Variants in RIN3 observed in about 807,000 individuals in gnomAD.
RIN3 encodes Ras and Rab interactor 3, also known as RAB5 interacting protein 3.
RIN3 carries 54 observed loss-of-function variants against 76.3 expected under a neutral mutation model. The observed-to-expected ratio is 0.71, with a 90% CI of 0.57 to 0.89. The LOEUF (loss-of-function observed/expected upper bound fraction) is 0.89. Ranked by LOEUF, RIN3 falls within the 40% of genes least tolerant of loss-of-function variation. The pLI is 0.00. For missense variants in RIN3, 1,256 were observed against 1,322.1 expected, an observed-to-expected ratio of 0.95 and a Z score of 0.78; for synonymous variants, 576 against 564.0, an observed-to-expected ratio of 1.02 and a Z score of -0.30.
chr14:92,586,601 T>A (rs1884784996), intron 3 of RIN3: 1 of 150,872 alleles, frequency 6.6e-6, no homozygotes, highest in Admixed American at 6.6e-5. Flanking sequence ...CTTAGCCTCC[T>A]TTTTTTTTCA....
At chr14:92,617,300 CA>C (rs953067188) in intron 4 of RIN3, among the ~76,000 whole-genome samples, 7 of 149,976 alleles carry the variant, frequency 4.7e-5, no homozygotes, top group African/African-American at 9.9e-5. Context: ...AACTCCATCT[CA>C]AAAAAAAAAC....
intron 4 of RIN3, among the ~76,000 whole-genome samples, chr14:92,621,310 T>C (rs1249418380): frequency 6.6e-6 from 1 of 151,478 alleles, no homozygotes; most frequent in Non-Finnish European, 1.5e-5. Context: ...TTACTGTCGA[T>C]GAAGAGTCAA....
Position 92,654,120 on chromosome 14 carries a change from C to T in RIN3, c.2026+1045C>T, listed in dbSNP as rs543618170. Among the ~76,000 whole-genome samples the T allele has an allele frequency of 3.7e-4, 57 of 152,136 alleles. No homozygotes were observed. In the South Asian group the frequency reaches 0.011, roughly 30 times the overall value. Reference sequence around the variant, plus strand: ...CTTGAGGTCAAGAGTTCGAGACCAGCCTGGCCAACATGGTGAAACCCCATC... The same window carrying T: ...CTTGAGGTCAAGAGTTCGAGACCAGTCTGGCCAACATGGTGAAACCCCATC... On this transcript the variant is annotated intron_variant, in intron 6 of 9. Transcript: ENST00000216487.
chr14:92,688,546 G>A lies in RIN3; in HGVS notation c.*294G>A, dbSNP rs917747466. The A allele has an allele frequency of 2.1e-6, 1 of 468,762 alleles. No individual in the cohort carries two copies. The highest frequency in any genetic ancestry group is 2.9e-5 in the South Asian group (1 of 34,108). 29.0% of individuals were successfully genotyped at this position (468,762 alleles called of 1,614,324 possible). A position where few individuals can be genotyped will look rare whatever the true frequency, so the allele number is the denominator to read the frequency against. ...AGGCCGCTGCAGCCAACAAACCGGC[G>A]CCCTCTTCACACGTAGCTCCTCAGG... On this transcript the variant is annotated 3_prime_UTR_variant, in exon 10 of 10. Coordinates refer to ENST00000216487, the MANE Select transcript of RIN3 (RefSeq NM_024832.5).
At chr14:92,683,364 C>G (rs1888735857) in intron 8 of RIN3, among the ~76,000 whole-genome samples, 1 of 152,286 alleles carries the variant, frequency 6.6e-6, no homozygotes, top group African/African-American at 2.4e-5. Context: ...GCCACCTTCC[C>G]TCTCTGGGAC....
At chr14:92,520,563 TCAGG>T (rs1896570375) in intron 1 of RIN3, among the ~76,000 whole-genome samples, 2 of 152,178 alleles carry the variant, frequency 1.3e-5, no homozygotes, top group Admixed American at 1.3e-4. Context: ...ACACGGGGTG[TCAGG>T]CACTGATGCG....
chr14:92,607,153 T>A (rs1297221056), intron 3 of RIN3, among the ~76,000 whole-genome samples: 1 of 152,218 alleles, frequency 6.6e-6, no homozygotes, highest in East Asian at 1.9e-4. Context: ...CATGAAAGGA[T>A]GTTCAACATC....
Position 92,659,542 on chromosome 14 carries a change from G to A in RIN3, c.2335+73G>A, listed in dbSNP as rs565616661. On this transcript the variant is annotated intron_variant, in intron 7 of 9. Transcript: ENST00000216487. ...GGGTCCATGACCCCACCCTGACCAGGACTCCAGAGCCCTTGGAAGGCCCCA... is the reference window on the plus strand; with the variant it reads ...GGGTCCATGACCCCACCCTGACCAGAACTCCAGAGCCCTTGGAAGGCCCCA... The A allele has an allele frequency of 6.4e-6, 9 of 1,399,560 alleles. No homozygotes were observed. In the African/African-American group the frequency reaches 1.0e-4, roughly 16 times the overall value. 86.7% of individuals were successfully genotyped at this position (1,399,560 alleles called of 1,614,324 possible). A position where few individuals can be genotyped will look rare whatever the true frequency, so the allele number is the denominator to read the frequency against.
At chr14:92,520,209 G>A (rs536332366) in intron 1 of RIN3, among the ~76,000 whole-genome samples, 1 of 152,368 alleles carries the variant, frequency 6.6e-6, no homozygotes, top group African/African-American at 2.4e-5. Context: ...CCGTGGTTGT[G>A]GTCAAGGCCT....
At chr14:92,658,707 T>C (rs1442897571) in intron 6 of RIN3, among the ~76,000 whole-genome samples, 1 of 152,134 alleles carries the variant, frequency 6.6e-6, no homozygotes, top group Non-Finnish European at 1.5e-5. Flanking sequence ...ATGTACTGTA[T>C]TTTTGAGACT....
rs1048618030 is a variant in RIN3, at chr14:92,586,271, T to C, written c.367+8794T>C. On this transcript the variant is annotated intron_variant, in intron 3 of 9. Coordinates refer to ENST00000216487, the MANE Select transcript of RIN3 (RefSeq NM_024832.5). ...ACACCATAAATACTAGCAGCTATAA[T>C]TAGCTATGGAGTTTGAGCAGCATGC... Among the ~76,000 whole-genome samples, 3 of 152,338 alleles carry C rather than the reference T, an allele frequency of 2.0e-5. No individual in the cohort carries two copies. In the East Asian group the frequency reaches 5.8e-4, roughly 29 times the overall value.
At position 92,543,326 on chromosome 14, in the gene RIN3, G is replaced by A. The variant is rs78859422; in HGVS notation, c.45-12425G>A. ...AAAGCAACAAGAGGAAACACTTCAG[G>A]GGAACGGATTTCATCTCAATAGAAA... On this transcript the variant is annotated intron_variant, in intron 1 of 9. Transcript: ENST00000216487. Among the ~76,000 whole-genome samples the A allele has an allele frequency of 4.2e-3, 644 of 152,200 alleles. 4 individuals carry two copies. Among genetic ancestry groups the A allele is most frequent in the African/African-American group, 0.015 (616 of 41,516 alleles).
intron 5 of RIN3, among the ~76,000 whole-genome samples, chr14:92,641,533 C>G (rs768425106): frequency 6.6e-6 from 1 of 152,196 alleles, no homozygotes; most frequent in Non-Finnish European, 1.5e-5. Context: ...CTGCCCAGGA[C>G]GCCCTGAGGC....
At chr14:92,657,185 C>G (rs968224022) in intron 6 of RIN3, among the ~76,000 whole-genome samples, 7 of 152,042 alleles carry the variant, frequency 4.6e-5, no homozygotes, top group African/African-American at 1.4e-4. Flanking sequence ...ATGGTGAAAC[C>G]CCCCTCTCTA....
rs1888507264 is a variant in RIN3, at chr14:92,677,442, G to A, written c.2467+836G>A. On this transcript the variant is annotated intron_variant, in intron 8 of 9. Transcript: ENST00000216487. ...CCTTGGGCTTTGTGGTTCTTGAGATGAGCAGACCCTCTTTGTATCTGTTCG... is the reference window on the plus strand; with the variant it reads ...CCTTGGGCTTTGTGGTTCTTGAGATAAGCAGACCCTCTTTGTATCTGTTCG... 2.0e-5 allele frequency among the ~76,000 whole-genome samples: 3 copies of A among 152,198 alleles called. No homozygotes were observed. The South Asian group carries it at 6.2e-4, about 31-fold the overall frequency.
At chr14:92,642,320 C>T (rs2140132193) in intron 5 of RIN3, among the ~76,000 whole-genome samples, 1 of 152,156 alleles carries the variant, frequency 6.6e-6, no homozygotes, top group East Asian at 1.9e-4. Context: ...TGGTCTCAAA[C>T]TCCTGGCCTC....
chr14:92,682,131 C>T (rs1888688117), intron 8 of RIN3, among the ~76,000 whole-genome samples: 1 of 152,184 alleles, frequency 6.6e-6, no homozygotes, highest in South Asian at 2.1e-4. Flanking sequence ...AAGTGATCCA[C>T]CCGTCTCAGC....
At chr14:92,625,786 A>G (rs1886329890) in intron 4 of RIN3, among the ~76,000 whole-genome samples, 1 of 152,196 alleles carries the variant, frequency 6.6e-6, no homozygotes, top group Non-Finnish European at 1.5e-5. Flanking sequence ...GTTTAGAAGC[A>G]TATGGCTTGA....
At chr14:92,581,015 G>C (rs1383570276) in intron 3 of RIN3, among the ~76,000 whole-genome samples, 2 of 152,222 alleles carry the variant, frequency 1.3e-5, no homozygotes, top group Non-Finnish European at 2.9e-5. Flanking sequence ...TCCGTCTTGT[G>C]AAGTCCAGCG....
Sources: gnomAD v4.1 joint callset for allele counts (sites outside exome capture counted in the v4.1 genomes callset) on GRCh38, gnomAD v4.1.1 for gene constraint, MANE v1.5 for transcripts, NCBI Gene and HGNC (gene_info 2026-07-23, HGNC 2026-07-21) for gene names.